Variants in EPHA5 observed in about 807,000 individuals in gnomAD.
EPHA5 encodes EPH receptor A5.
A neutral mutation model predicts 105.0 loss-of-function variants in EPHA5; 60 were observed. The ratio of observed to expected loss-of-function variants is 0.57; its 90% CI spans 0.46 to 0.71. EPHA5 has a LOEUF of 0.71. Among genes scored for constraint, EPHA5 ranks in the 30% least tolerant of loss-of-function variants. The pLI, the probability that EPHA5 is intolerant of heterozygous loss-of-function variation, is 0.00. For missense variants in EPHA5, 1,218 were observed against 1,274.7 expected (o/e 0.96, Z 0.68); for synonymous variants, 513 against 449.1 (o/e 1.14, Z -1.80).
chr4:65,637,753 A>T (rs958566794), intron 2 of EPHA5, among the ~76,000 whole-genome samples: 3 of 151,606 alleles, frequency 2.0e-5, no homozygotes, highest in African/African-American at 7.3e-5. Context: ...TTATCAGAAA[A>T]CTGTAAGTAA....
chr4:65,629,348 G>A, intron 2 of EPHA5, among the ~76,000 whole-genome samples: 1 of 152,114 alleles, frequency 6.6e-6, no homozygotes. Context: ...CATAATAACT[G>A]GATAGAGGCA....
chr4:65,452,691 G>A (rs1458344628), intron 5 of EPHA5, among the ~76,000 whole-genome samples: 1 of 151,970 alleles, frequency 6.6e-6, no homozygotes, highest in African/African-American at 2.4e-5. Flanking sequence ...TTCCTTGAAT[G>A]CAAGCAAATA....
intron 5 of EPHA5, among the ~76,000 whole-genome samples, chr4:65,480,877 A>ATAT (rs1322118321): frequency 2.6e-5 from 4 of 151,608 alleles, no homozygotes; most frequent in Admixed American, 2.0e-4. Context: ...ATTAATAATA[A>ATAT]TAATAATAAT....
At chr4:65,585,120 TTGTGTGTGTG>T (rs76180882) in intron 3 of EPHA5, among the ~76,000 whole-genome samples, 10 of 149,012 alleles carry the variant, frequency 6.7e-5, no homozygotes, top group African/African-American at 2.4e-4. Context: ...GCATGTGTGT[TTGTGTGTGTG>T]TGTGTGTGTG....
At chr4:65,580,824 T>G (rs931044526) in intron 3 of EPHA5, among the ~76,000 whole-genome samples, 5 of 151,530 alleles carry the variant, frequency 3.3e-5, no homozygotes, top group Admixed American at 6.6e-5. Context: ...ATCTACTTAT[T>G]TCCATTTCCA....
chr4:65,502,912 G>A (rs576801331), intron 3 of EPHA5, among the ~76,000 whole-genome samples: 14 of 151,818 alleles, frequency 9.2e-5, no homozygotes, highest in South Asian at 4.1e-4. Flanking sequence ...TACAAGTACC[G>A]CATGGAATAC....
At chr4:65,405,863 C>T (rs1722306528) in intron 7 of EPHA5, among the ~76,000 whole-genome samples, 1 of 151,838 alleles carries the variant, frequency 6.6e-6, no homozygotes, top group African/African-American at 2.4e-5. Flanking sequence ...AATCTCTAAA[C>T]TCATATTATT....
At chr4:65,381,309 A>G (rs1241350198) in intron 8 of EPHA5, among the ~76,000 whole-genome samples, 1 of 151,810 alleles carries the variant, frequency 6.6e-6, no homozygotes, top group Non-Finnish European at 1.5e-5. Flanking sequence ...TTTAAAAATT[A>G]GGTAAAAATC....
At chr4:65,613,935 A>G (rs996304242) in intron 2 of EPHA5, among the ~76,000 whole-genome samples, 1 of 151,984 alleles carries the variant, frequency 6.6e-6, no homozygotes, top group Non-Finnish European at 1.5e-5. Context: ...CATTTACAGA[A>G]TTTTTTATCT....
At chr4:65,444,903 A>T (rs1409372869) in intron 5 of EPHA5, among the ~76,000 whole-genome samples, 1 of 152,034 alleles carries the variant, frequency 6.6e-6, no homozygotes, top group Non-Finnish European at 1.5e-5. Context: ...AAAAAAATTG[A>T]TATTTTTCTC....
rs191045083 is a variant in EPHA5 at position 65,464,261 on chromosome 4, C to T, written c.1402+26116G>A. Among the ~76,000 whole-genome samples, 544 of 152,028 alleles carry T rather than the reference C, an allele frequency of 3.6e-3. 2 individuals are homozygous for T. The highest frequency in any genetic ancestry group is 0.012 in the African/African-American group (497 of 41,528). The stretch of plus-strand genomic sequence containing the variant: ...AGGCTTCAAAACCCATCAAAGTTCC[C>T]ATATGTAGCTTGTTTTCTACAAATT... On this transcript the variant is annotated intron_variant, in intron 5 of 16. Transcript: ENST00000613740.
intron 3 of EPHA5, among the ~76,000 whole-genome samples, chr4:65,508,181 G>T (rs78531531): frequency 9.9e-5 from 15 of 152,038 alleles, no homozygotes; most frequent in African/African-American, 3.6e-4. Flanking sequence ...TAAGCTGGAT[G>T]ATTTATTCTG....
At chr4:65,637,302 A>T (rs1201727631) in intron 2 of EPHA5, among the ~76,000 whole-genome samples, 2 of 151,640 alleles carry the variant, frequency 1.3e-5, no homozygotes, top group Non-Finnish European at 2.9e-5. Flanking sequence ...TATCAAAAAA[A>T]TGACTATTCA....
chr4:65,653,927 T>C (rs1363650582), intron 1 of EPHA5, among the ~76,000 whole-genome samples: 3 of 152,068 alleles, frequency 2.0e-5, no homozygotes, highest in Non-Finnish European at 1.5e-5. Flanking sequence ...ATGATAATCG[T>C]GCTGCTGTTA....
intron 1 of EPHA5, among the ~76,000 whole-genome samples, chr4:65,647,322 C>G (rs35431840): frequency 0.076 from 7,469 of 98,724 alleles, 280 homozygotes; most frequent in South Asian, 0.13. Context: ...GAGCAAGACT[C>G]TGTCTCAAAA....
At chr4:65,593,263 G>A (rs1365324398) in intron 3 of EPHA5, among the ~76,000 whole-genome samples, 1 of 152,002 alleles carries the variant, frequency 6.6e-6, no homozygotes. Flanking sequence ...CATTTTGAGG[G>A]GGAGAAATAT....
chr4:65,491,122 A>G (rs956513645), intron 4 of EPHA5, among the ~76,000 whole-genome samples: 3 of 152,080 alleles, frequency 2.0e-5, no homozygotes, highest in African/African-American at 7.2e-5. Flanking sequence ...ACCTACTAAG[A>G]AACAAGCATA....
chr4:65,545,901 T>G (rs1275245873), intron 3 of EPHA5, among the ~76,000 whole-genome samples: 1 of 151,942 alleles, frequency 6.6e-6, no homozygotes, highest in Admixed American at 6.6e-5. Context: ...ATGAGTCTAT[T>G]TTAAAGCAAG....
chr4:65,516,466 G>A (rs1734113929), intron 3 of EPHA5, among the ~76,000 whole-genome samples: 1 of 152,000 alleles, frequency 6.6e-6, no homozygotes, highest in African/African-American at 2.4e-5. Context: ...GGCTATTTTA[G>A]GAACAGCAGA....
Sources: gnomAD v4.1 joint callset for allele counts (sites outside exome capture counted in the v4.1 genomes callset) on GRCh38, gnomAD v4.1.1 for gene constraint, MANE v1.5 for transcripts, NCBI Gene and HGNC (gene_info 2026-07-23, HGNC 2026-07-21) for gene names.